The following TENM3 variants were observed in gnomAD, a reference collection of about 807,000 sequenced individuals.
TENM3 encodes teneurin transmembrane protein 3.
TENM3 carries 63 observed loss-of-function variants against 255.1 expected under a neutral mutation model. That is an observed-to-expected ratio of 0.25 (90% CI 0.20 to 0.30). TENM3 has a LOEUF of 0.30. Among genes scored for constraint, TENM3 ranks in the 10% least tolerant of loss-of-function variants. The pLI is 1.00. For synonymous variants in TENM3, 1,306 were observed against 1,322.3 expected (o/e 0.99, Z 0.27); for missense variants, 2,929 against 3,461.1 (o/e 0.85, Z 3.86).
chr4:182,279,471 A>G (rs1760229835), intron 1 of TENM3, among the ~76,000 whole-genome samples: 1 of 152,138 alleles, frequency 6.6e-6, no homozygotes, highest in Non-Finnish European at 1.5e-5. Flanking sequence ...TCCCACATGC[A>G]AGGCAGGGCC....
At chr4:181,664,643 C>T in the TENM3 span, among the ~76,000 whole-genome samples, 4 of 152,134 alleles carry the variant, frequency 2.6e-5, no homozygotes, top group Non-Finnish European at 2.9e-5. Flanking sequence ...TCAACTTTCA[C>T]TCCTGGCCAA....
the TENM3 span, among the ~76,000 whole-genome samples, chr4:181,537,264 G>T: frequency 3.9e-5 from 6 of 152,038 alleles, no homozygotes; most frequent in Non-Finnish European, 8.8e-5. Flanking sequence ...ATTTTATATT[G>T]CCATTATGAC....
the TENM3 span, among the ~76,000 whole-genome samples, chr4:181,671,412 T>A: frequency 5.9e-5 from 9 of 152,170 alleles, no homozygotes. Context: ...CTGCAGTAAA[T>A]GGGCAGAGTG....
At chr4:182,353,966 GAAA>G (rs33947631) in intron 3 of TENM3, among the ~76,000 whole-genome samples, 2 of 132,636 alleles carry the variant, frequency 1.5e-5, no homozygotes, top group African/African-American at 2.8e-5. Flanking sequence ...ACTCCAGCTG[GAAA>G]AAAAAAAAAA....
chr4:182,259,622 A>C (rs1035366873), intron 1 of TENM3, among the ~76,000 whole-genome samples: 1 of 151,774 alleles, frequency 6.6e-6, no homozygotes. Flanking sequence ...ATTTTTTAAC[A>C]TTTTTTTTAT....
At chr4:182,231,399 C>T (rs564647605) in intron 1 of TENM3, among the ~76,000 whole-genome samples, 26 of 152,248 alleles carry the variant, frequency 1.7e-4, no homozygotes, top group African/African-American at 5.1e-4. Flanking sequence ...TTATCTTTGG[C>T]CCACAGCCTC....
At chr4:181,837,414 C>T in the TENM3 span, among the ~76,000 whole-genome samples, 1 of 151,928 alleles carries the variant, frequency 6.6e-6, no homozygotes, top group Non-Finnish European at 1.5e-5. Flanking sequence ...TTATCACAGG[C>T]TTTTTTCACA....
At chr4:182,542,185 G>A (rs556193214) in intron 3 of TENM3, among the ~76,000 whole-genome samples, 26 of 152,278 alleles carry the variant, frequency 1.7e-4, no homozygotes, top group Middle Eastern at 6.8e-3. Context: ...TCTCCCCCTT[G>A]TTTGTAAATT....
At chr4:182,430,324 G>A (rs568421000) in intron 3 of TENM3, among the ~76,000 whole-genome samples, 3 of 152,126 alleles carry the variant, frequency 2.0e-5, no homozygotes, top group Non-Finnish European at 4.4e-5. Flanking sequence ...CGAGGCAGGC[G>A]GATCACGAGG....
At chr4:181,899,441 T>C in the TENM3 span, among the ~76,000 whole-genome samples, 2 of 152,210 alleles carry the variant, frequency 1.3e-5, no homozygotes, top group African/African-American at 4.8e-5. Flanking sequence ...TGATACGGTA[T>C]TTACAAAAAA....
At chr4:182,014,174 A>G in the TENM3 span, among the ~76,000 whole-genome samples, 1 of 147,918 alleles carries the variant, frequency 6.8e-6, no homozygotes, top group Non-Finnish European at 1.5e-5. Context: ...ATATATACAT[A>G]TATATATGTG....
At chr4:182,211,272 A>G (rs1031314) in intron 1 of TENM3, among the ~76,000 whole-genome samples, 7,539 of 152,264 alleles carry the variant, frequency 0.05, 595 homozygotes, top group African/African-American at 0.17. Context: ...CATTACACGC[A>G]TTGTTTTTTA....
At chr4:182,000,342 G>A in the TENM3 span, among the ~76,000 whole-genome samples, 1 of 151,782 alleles carries the variant, frequency 6.6e-6, no homozygotes, top group Non-Finnish European at 1.5e-5. Context: ...TATACCACCG[G>A]GACCTCCTTG....
At chr4:181,737,106 C>T in the TENM3 span, among the ~76,000 whole-genome samples, 1 of 152,104 alleles carries the variant, frequency 6.6e-6, no homozygotes, top group Non-Finnish European at 1.5e-5. Flanking sequence ...CAAATACAGA[C>T]CAAGTTCTCT....
At chr4:182,296,173 G>C (rs1761480156) in intron 1 of TENM3, among the ~76,000 whole-genome samples, 1 of 152,110 alleles carries the variant, frequency 6.6e-6, no homozygotes, top group Non-Finnish European at 1.5e-5. Flanking sequence ...ACGTTGGTCA[G>C]GCTGGTCTCG....
chr4:182,219,033 G>A (rs1439963214), intron 1 of TENM3, among the ~76,000 whole-genome samples: 4 of 152,214 alleles, frequency 2.6e-5, no homozygotes, highest in African/African-American at 4.8e-5. Context: ...GACCAGCCTG[G>A]CCAACTGGCG....
intron 4 of TENM3, among the ~76,000 whole-genome samples, chr4:182,613,268 ATATAATACAAGTTTGTACACT>A: frequency 6.6e-6 from 1 of 152,314 alleles, no homozygotes; most frequent in African/African-American, 2.4e-5. Flanking sequence ...ACATGTAAGA[ATATAATACAAGTTTGTACACT>A]TGATGACATG....
the TENM3 span, among the ~76,000 whole-genome samples, chr4:181,467,103 GTATATATA>G: frequency 3.0e-5 from 2 of 66,354 alleles, no homozygotes; most frequent in Non-Finnish European, 2.8e-5. Flanking sequence ...GTGTGTGTGT[GTATATATA>G]TATATATATA....
At chr4:182,389,834 C>T (rs535090703) in intron 3 of TENM3, among the ~76,000 whole-genome samples, 74 of 152,022 alleles carry the variant, frequency 4.9e-4, no homozygotes, top group African/African-American at 1.4e-3. Context: ...TACAGGCGCC[C>T]GCCACCACTC....
Sources: gnomAD v4.1 joint callset for allele counts (sites outside exome capture counted in the v4.1 genomes callset) on GRCh38, gnomAD v4.1.1 for gene constraint, MANE v1.5 for transcripts, NCBI Gene and HGNC (gene_info 2026-07-23, HGNC 2026-07-21) for gene names.